WWOX: variants seen among roughly 807,000 people sequenced by gnomAD.
WWOX encodes the protein WW domain containing oxidoreductase, also known as WW domain-containing oxidoreductase.
In WWOX, 69 loss-of-function variants were observed where a neutral mutation model predicts 46.2. The ratio of observed to expected loss-of-function variants is 1.49; its 90% CI spans 1.23 to 1.82. WWOX has a LOEUF of 1.82. Ranked by LOEUF, WWOX falls within the 40% of genes most tolerant of loss-of-function variation. WWOX has a pLI of 0.00. For missense variants in WWOX, 919 were observed against 542.6 expected (o/e 1.69, Z -6.89); for synonymous variants, 359 against 202.6 (o/e 1.77, Z -6.56).
In WWOX at chr16:78,613,628, C is replaced by T. The variant is rs187111805; in HGVS notation, c.1056+180876C>T. On this transcript the variant is annotated intron_variant, in intron 8 of 8. Transcript: ENST00000566780. Reference sequence around the variant, plus strand: ...CGGATTCAAGATGCAATCACCACTACTGTTGTTGTGTAAGTATTGCTAGAG... The same window carrying T: ...CGGATTCAAGATGCAATCACCACTATTGTTGTTGTGTAAGTATTGCTAGAG... 2.4e-3 allele frequency among the ~76,000 whole-genome samples: 373 copies of T among 152,316 alleles called. 2 individuals carry two copies. The highest frequency in any genetic ancestry group is 8.6e-3 in the African/African-American group (358 of 41,564).
chr16:78,186,154 A>G (rs967040069), intron 5 of WWOX, among the ~76,000 whole-genome samples: 3 of 152,222 alleles, frequency 2.0e-5, no homozygotes, highest in Non-Finnish European at 4.4e-5. Context: ...TAACATTTTT[A>G]TATTAGTTCC....
chr16:79,184,011 C>A (rs2050964577), intron 8 of WWOX, among the ~76,000 whole-genome samples: 1 of 152,188 alleles, frequency 6.6e-6, no homozygotes. Context: ...TCTGTGACTG[C>A]ATCTTTATAA....
At chr16:78,888,809 AT>A (rs60457278) in intron 8 of WWOX, among the ~76,000 whole-genome samples, 53,023 of 150,768 alleles carry the variant, frequency 0.35, 10,528 homozygotes, top group Non-Finnish European at 0.44. Flanking sequence ...GAGGATATTG[AT>A]TTTTTTTTTC....
At chr16:78,163,416 C>G (rs1169846360) in intron 4 of WWOX, among the ~76,000 whole-genome samples, 1 of 152,184 alleles carries the variant, frequency 6.6e-6, no homozygotes, top group Admixed American at 6.5e-5. Flanking sequence ...TACCGTGGCC[C>G]TTTCCTGGTG....
intron 5 of WWOX, among the ~76,000 whole-genome samples, chr16:78,363,067 C>G (rs1424483629): frequency 1.3e-5 from 2 of 152,030 alleles, no homozygotes; most frequent in African/African-American, 2.4e-5. Context: ...CACCCGTATT[C>G]CACCATAAAA....
At chr16:78,567,254 G>C (rs1384566966) in intron 8 of WWOX, among the ~76,000 whole-genome samples, 1 of 152,140 alleles carries the variant, frequency 6.6e-6, no homozygotes, top group African/African-American at 2.4e-5. Flanking sequence ...CTGCCAAGAA[G>C]TAAGGTTTTG....
intron 8 of WWOX, among the ~76,000 whole-genome samples, chr16:78,870,863 A>C (rs1327048706): frequency 6.6e-6 from 1 of 152,114 alleles, no homozygotes; most frequent in Non-Finnish European, 1.5e-5. Flanking sequence ...CAGCTTCCCA[A>C]AGTGCTAGGA....
At chr16:78,771,782 A>C (rs906118643) in intron 8 of WWOX, among the ~76,000 whole-genome samples, 2 of 116,712 alleles carry the variant, frequency 1.7e-5, no homozygotes, top group Non-Finnish European at 3.8e-5. Context: ...ACAATAAATA[A>C]ATAAATAAAT....
chr16:78,887,449 A>G (rs1394331569), intron 8 of WWOX, among the ~76,000 whole-genome samples: 1 of 146,632 alleles, frequency 6.8e-6, no homozygotes, highest in East Asian at 2.1e-4. Context: ...GAAGGCAATG[A>G]AGGCAACAAA....
chr16:78,778,699 C>G (rs1346468949), intron 8 of WWOX, among the ~76,000 whole-genome samples: 2 of 152,142 alleles, frequency 1.3e-5, no homozygotes, highest in Non-Finnish European at 2.9e-5. Flanking sequence ...TGTTTGAGTT[C>G]AAGGGAAGGT....
chr16:78,953,955 C>G (rs1308776736), intron 8 of WWOX, among the ~76,000 whole-genome samples: 2 of 152,162 alleles, frequency 1.3e-5, no homozygotes, highest in East Asian at 3.8e-4. Flanking sequence ...CTGCTGAATC[C>G]AAGTCCCTGT....
chr16:78,209,451 T>C (rs569141463), intron 5 of WWOX, among the ~76,000 whole-genome samples: 6 of 152,362 alleles, frequency 3.9e-5, no homozygotes, highest in Admixed American at 3.9e-4. Context: ...AGTCTGTTTT[T>C]TATGAATATG....
At chr16:78,362,015 C>A (rs903228301) in intron 5 of WWOX, among the ~76,000 whole-genome samples, 1 of 139,282 alleles carries the variant, frequency 7.2e-6, no homozygotes, top group Non-Finnish European at 1.5e-5. Context: ...TATTCTGTTG[C>A]TGAAACCATT....
chr16:78,920,040 T>A (rs542159962), intron 8 of WWOX, among the ~76,000 whole-genome samples: 1 of 152,292 alleles, frequency 6.6e-6, no homozygotes, highest in East Asian at 1.9e-4. Context: ...CAGCGTAGAC[T>A]AGGTTTGCCG....
chr16:78,977,076 AC>A (rs1288875132), intron 8 of WWOX, among the ~76,000 whole-genome samples: 1 of 152,086 alleles, frequency 6.6e-6, no homozygotes. Context: ...CAACACAGGA[AC>A]CTTTTTGATG....
chr16:79,201,940 C>T (rs1388135865), intron 8 of WWOX, among the ~76,000 whole-genome samples: 1 of 152,204 alleles, frequency 6.6e-6, no homozygotes, highest in Non-Finnish European at 1.5e-5. Context: ...TTTCCATGAT[C>T]CATCAAACAC....
intron 8 of WWOX, among the ~76,000 whole-genome samples, chr16:78,843,508 A>C (rs2052215977): frequency 6.7e-6 from 1 of 150,154 alleles, no homozygotes; most frequent in Admixed American, 6.7e-5. Flanking sequence ...ATATGCAACA[A>C]ACCCACAAAT....
intron 8 of WWOX, among the ~76,000 whole-genome samples, chr16:78,914,631 G>T (rs2045199450): frequency 6.6e-6 from 1 of 151,920 alleles, no homozygotes; most frequent in Non-Finnish European, 1.5e-5. Context: ...TGTAATCCCA[G>T]CACTTTGGGA....
chr16:78,217,820 G>A (rs535278677), intron 5 of WWOX, among the ~76,000 whole-genome samples: 1 of 152,262 alleles, frequency 6.6e-6, no homozygotes, highest in African/African-American at 2.4e-5. Flanking sequence ...CTCATCTTCT[G>A]CACAGGTCAA....
Sources: allele counts gnomAD v4.1 joint callset (sites outside exome capture counted in the v4.1 genomes callset), GRCh38; gene constraint gnomAD v4.1.1; transcripts MANE v1.5; gene names NCBI Gene and HGNC (gene_info 2026-07-23, HGNC 2026-07-21).